The following LRRC4C variants were observed in gnomAD, a reference collection of about 807,000 sequenced individuals.
LRRC4C encodes leucine rich repeat containing 4C, also known as leucine-rich repeat-containing protein 4C.
In LRRC4C, 5 loss-of-function variants were observed where a neutral mutation model predicts 33.6. The ratio of observed to expected loss-of-function variants is 0.15; its 90% confidence interval spans 0.08 to 0.31. LRRC4C has a LOEUF of 0.31. Among genes scored for constraint, LRRC4C ranks in the 10% least tolerant of loss-of-function variants. The pLI is 1.00. For missense variants in LRRC4C, 560 were observed against 796.7 expected, an observed-to-expected ratio of 0.70 and a Z score of 3.58; for synonymous variants, 329 against 302.0, an observed-to-expected ratio of 1.09 and a Z score of -0.93.
chr11:40,611,706 G>A (rs868660209), intron 3 of LRRC4C, among the ~76,000 whole-genome samples: 3 of 151,662 alleles, frequency 2.0e-5, no homozygotes, highest in East Asian at 3.9e-4. Flanking sequence ...TGTGCAAAGG[G>A]CTTGGATAGA....
chr11:40,529,305 G>A, intron 3 of LRRC4C, among the ~76,000 whole-genome samples: 1 of 151,924 alleles, frequency 6.6e-6, no homozygotes, highest in East Asian at 1.9e-4. Flanking sequence ...AAGTGAAGTT[G>A]ATTGTATATT....
At chr11:41,424,726 A>G (rs1954981039) in intron 1 of LRRC4C, among the ~76,000 whole-genome samples, 4 of 152,100 alleles carry the variant, frequency 2.6e-5, no homozygotes, top group Admixed American at 1.3e-4. Flanking sequence ...GTAATATAAT[A>G]CGCATTTATT....
chr11:40,535,899 T>C (rs1433496411), intron 3 of LRRC4C, among the ~76,000 whole-genome samples: 1 of 152,198 alleles, frequency 6.6e-6, no homozygotes, highest in Non-Finnish European at 1.5e-5. Context: ...CTGTACTTTT[T>C]CCAAAAGGCT....
chr11:40,452,374 A>G (rs1951929031), intron 3 of LRRC4C, among the ~76,000 whole-genome samples: 1 of 152,254 alleles, frequency 6.6e-6, no homozygotes, highest in African/African-American at 2.4e-5. Context: ...GGTGAAGGAT[A>G]TGAACAGACA....
At chr11:41,308,809 CTTTTTTTT>C (rs887237352) in intron 1 of LRRC4C, among the ~76,000 whole-genome samples, 3 of 142,692 alleles carry the variant, frequency 2.1e-5, no homozygotes, top group Admixed American at 7.0e-5. Context: ...CTCTTTTTTT[CTTTTTTTT>C]TTTTTAGACA....
intron 3 of LRRC4C, among the ~76,000 whole-genome samples, chr11:40,466,458 T>TGAAAATACTATGCTTG (rs1952657056): frequency 2.0e-5 from 3 of 151,954 alleles, no homozygotes; most frequent in Admixed American, 1.3e-4. Context: ...AAAATTACTC[T>TGAAAATACTATGCTTG]GAAAATACTA....
At position 40,206,335 on chromosome 11, in the gene LRRC4C, C is replaced by T. The variant is rs1024722646; in HGVS notation, c.-96+35184G>A. On this transcript the variant is annotated intron_variant, in intron 5 of 6. Coordinates refer to ENST00000528697, the MANE Select transcript of LRRC4C (RefSeq NM_001258419.2). ...ACTGCAACCTCCGCCTCCCAGGTTC[C>T]GGCAATTCTCCTGCCTCAGCCTGCC... 4.1e-4 allele frequency among the ~76,000 whole-genome samples: 63 copies of T among 152,078 alleles called. 1 individual carries two copies. The highest frequency in any genetic ancestry group is 1.4e-3 in the African/African-American group (59 of 41,500).
intron 5 of LRRC4C, among the ~76,000 whole-genome samples, chr11:40,208,926 A>T (rs1034748592): frequency 1.2e-4 from 17 of 147,290 alleles, no homozygotes; most frequent in African/African-American, 4.2e-4. Flanking sequence ...AAATGCTCCA[A>T]ATCAGGGCTT....
chr11:40,476,195 G>A (rs1027214305), intron 3 of LRRC4C, among the ~76,000 whole-genome samples: 6 of 152,024 alleles, frequency 3.9e-5, no homozygotes, highest in Non-Finnish European at 8.8e-5. Flanking sequence ...GCATGTGTGG[G>A]TGTACACATA....
At chr11:40,306,242 G>A (rs761772366) in intron 4 of LRRC4C, among the ~76,000 whole-genome samples, 1 of 152,088 alleles carries the variant, frequency 6.6e-6, no homozygotes, top group Non-Finnish European at 1.5e-5. Flanking sequence ...TCTTTAAAAA[G>A]GTTAGCCTTT....
At chr11:40,189,051 T>C (rs1264835508) in intron 5 of LRRC4C, among the ~76,000 whole-genome samples, 1 of 152,232 alleles carries the variant, frequency 6.6e-6, no homozygotes, top group African/African-American at 2.4e-5. Context: ...GTCTGCTGTT[T>C]GCCTTTTGGA....
intron 2 of LRRC4C, among the ~76,000 whole-genome samples, chr11:40,657,381 G>A (rs1177022177): frequency 6.6e-6 from 1 of 152,190 alleles, no homozygotes; most frequent in Non-Finnish European, 1.5e-5. Context: ...TTCAAACAGA[G>A]CCATGTTCTC....
chr11:41,197,990 A>T (rs1040701774), intron 1 of LRRC4C, among the ~76,000 whole-genome samples: 3 of 151,860 alleles, frequency 2.0e-5, no homozygotes, highest in African/African-American at 7.3e-5. Context: ...ATCATTGTAA[A>T]CTCAAGTTTA....
intron 3 of LRRC4C, among the ~76,000 whole-genome samples, chr11:40,325,078 A>G (rs949844813): frequency 1.3e-5 from 2 of 152,154 alleles, no homozygotes. Context: ...GTCTTCTATG[A>G]ACAGATTGGC....
chr11:41,011,283 T>C (rs1463340293), intron 1 of LRRC4C, among the ~76,000 whole-genome samples: 1 of 152,174 alleles, frequency 6.6e-6, no homozygotes, highest in African/African-American at 2.4e-5. Context: ...TTCACTATAA[T>C]GTTATTTTTT....
chr11:40,956,618 GA>G (rs1371782517), intron 1 of LRRC4C, among the ~76,000 whole-genome samples: 1 of 151,720 alleles, frequency 6.6e-6, no homozygotes, highest in Non-Finnish European at 1.5e-5. Flanking sequence ...TGAAAAGATA[GA>G]AAACATAGAT....
chr11:41,453,646 C>T (rs757344044), intron 1 of LRRC4C, among the ~76,000 whole-genome samples: 4 of 151,574 alleles, frequency 2.6e-5, no homozygotes, highest in Non-Finnish European at 4.4e-5. Flanking sequence ...TGTTACCTTG[C>T]TTATTTTGTG....
intron 5 of LRRC4C, among the ~76,000 whole-genome samples, chr11:40,185,046 T>C (rs1861297489): frequency 6.6e-6 from 1 of 152,204 alleles, no homozygotes; most frequent in African/African-American, 2.4e-5. Flanking sequence ...AGTAAGAATC[T>C]GTTATCAGCT....
intron 1 of LRRC4C, among the ~76,000 whole-genome samples, chr11:41,125,147 G>A (rs369659455): frequency 1.5e-4 from 23 of 152,166 alleles, no homozygotes; most frequent in East Asian, 3.9e-4. Flanking sequence ...GTCTATCTGC[G>A]GAGTAAGCAA....
Sources: gnomAD v4.1 joint callset for allele counts (sites outside exome capture counted in the v4.1 genomes callset) on GRCh38, gnomAD v4.1.1 for gene constraint, MANE v1.5 for transcripts, NCBI Gene and HGNC (gene_info 2026-07-23, HGNC 2026-07-21) for gene names.